KCNIP1: variants seen among roughly 807,000 people sequenced by gnomAD.
KCNIP1 encodes potassium voltage-gated channel interacting protein 1, also known as A-type potassium channel modulatory protein KCNIP1.
A neutral mutation model predicts 33.0 loss-of-function variants in KCNIP1; 18 were observed. That is an observed-to-expected ratio of 0.55 (90% CI 0.38 to 0.81). The LOEUF is 0.81. Among genes scored for constraint, KCNIP1 ranks in the 30% least tolerant of loss-of-function variants. KCNIP1 has a pLI of 0.00. For missense variants in KCNIP1, 238 were observed against 271.6 expected, an observed-to-expected ratio of 0.88 and a Z score of 0.87; for synonymous variants, 93 against 98.3, an observed-to-expected ratio of 0.95 and a Z score of 0.32.
At chr5:170,491,253 T>A (rs1757200232) in intron 1 of KCNIP1, among the ~76,000 whole-genome samples, 1 of 152,126 alleles carries the variant, frequency 6.6e-6, no homozygotes, top group African/African-American at 2.4e-5. Context: ...CAATGGTAGA[T>A]GAATGAATGA....
At position 170,504,176 on chromosome 5, in the gene KCNIP1, G is replaced by A. The variant is rs1186212516; in HGVS notation, c.-397G>A. The A allele has an allele frequency of 9.9e-7, 1 of 1,012,700 alleles. No individual in the cohort carries two copies. The highest frequency in any genetic ancestry group is 9.3e-5 in the East Asian group (1 of 10,808). 62.7% of individuals were successfully genotyped at this position (1,012,700 alleles called of 1,614,324 possible). On this transcript the variant is annotated 5_prime_UTR_variant, in exon 1 of 8. Coordinates refer to ENST00000328939, the MANE Select transcript of KCNIP1 (RefSeq NM_014592.4). This position sits in a 1 kb window ranked among gnomAD's most constrained non-coding sequence, Gnocchi z 6.0. ...GAGGGGAGCCGAGTGTGCGGCAGGA[G>A]GGGCGGGCGGACGGCGGCTCCCGCA...
chr5:170,651,486 C>T (rs1371811351), intron 1 of KCNIP1, among the ~76,000 whole-genome samples: 2 of 152,134 alleles, frequency 1.3e-5, no homozygotes, highest in Non-Finnish European at 2.9e-5. Context: ...CCAAGACTGT[C>T]TCCACAGTGA....
intron 1 of KCNIP1, among the ~76,000 whole-genome samples, chr5:170,694,706 T>G (rs1762833858): frequency 6.6e-6 from 1 of 152,250 alleles, no homozygotes; most frequent in Non-Finnish European, 1.5e-5. Context: ...ATTGCTCTTT[T>G]CTTTCCTCTC....
intron 1 of KCNIP1, among the ~76,000 whole-genome samples, chr5:170,527,329 G>A (rs915955249): frequency 6.6e-6 from 1 of 152,168 alleles, no homozygotes; most frequent in African/African-American, 2.4e-5. Context: ...GCAAATAAAT[G>A]TTTGCAGAGC....
intron 1 of KCNIP1, among the ~76,000 whole-genome samples, chr5:170,602,930 G>T (rs571904542): frequency 6.6e-6 from 1 of 152,196 alleles, no homozygotes; most frequent in African/African-American, 2.4e-5. Flanking sequence ...CACACAGTTA[G>T]TGAGCACACT....
At chr5:170,722,887 C>T in intron 5 of KCNIP1, 67 bp downstream of exon 5, 3 of 978,056 alleles carry the variant, frequency 3.1e-6, no homozygotes, top group Non-Finnish European at 4.9e-6. Flanking sequence ...CAGAAAACAG[C>T]CCCAGGCATG....
chr5:170,583,245 A>G (rs775713397), intron 1 of KCNIP1, among the ~76,000 whole-genome samples: 4 of 152,144 alleles, frequency 2.6e-5, no homozygotes, highest in Non-Finnish European at 5.9e-5. Context: ...CACCCTTCTC[A>G]TGACCACTAG....
Position 170,632,372 on chromosome 5 carries a change from C to T in KCNIP1, c.62-86386C>T, listed in dbSNP as rs548361363. On this transcript the variant is annotated intron_variant, in intron 1 of 7. Coordinates refer to ENST00000328939, the MANE Select transcript of KCNIP1 (RefSeq NM_014592.4). The stretch of plus-strand genomic sequence containing the variant: ...GTATCTTTTTCCCCCAGAAGATTCT[C>T]CTCCAGCCTTCACCACTGCCCCCTG... 1.8e-4 allele frequency among the ~76,000 whole-genome samples: 27 copies of T among 152,344 alleles called. No individual in the cohort carries two copies. The South Asian group carries it at 5.6e-3, about 32-fold the overall frequency.
chr5:170,411,474 A>C (rs1424568038), intron 1 of KCNIP1, among the ~76,000 whole-genome samples: 1 of 152,204 alleles, frequency 6.6e-6, no homozygotes, highest in African/African-American at 2.4e-5. Flanking sequence ...GTGTGTGTAC[A>C]TGTGTGCACA....
intron 1 of KCNIP1, among the ~76,000 whole-genome samples, chr5:170,614,052 C>T (rs1759278508): frequency 6.6e-6 from 1 of 152,188 alleles, no homozygotes; most frequent in African/African-American, 2.4e-5. Context: ...TCCCTGGAAA[C>T]ACAATTGTTG....
intron 1 of KCNIP1, among the ~76,000 whole-genome samples, chr5:170,506,474 G>T (rs937429982): frequency 4.6e-5 from 7 of 152,134 alleles, no homozygotes; most frequent in Non-Finnish European, 1.0e-4. Context: ...CCGTGCATAG[G>T]GCTGGGAAAA....
At chr5:170,463,916 T>A (rs1756556965) in intron 1 of KCNIP1, among the ~76,000 whole-genome samples, 1 of 152,180 alleles carries the variant, frequency 6.6e-6, no homozygotes, top group Non-Finnish European at 1.5e-5. Flanking sequence ...GAGACAATCC[T>A]AAATAATCCA....
chr5:170,362,397 G>A (rs1008633441), intron 1 of KCNIP1, among the ~76,000 whole-genome samples: 1 of 152,150 alleles, frequency 6.6e-6, no homozygotes, highest in African/African-American at 2.4e-5. Context: ...TGGCCAAGAG[G>A]CAACACACAC....
At chr5:170,645,908 A>G (rs1330843073) in intron 1 of KCNIP1, among the ~76,000 whole-genome samples, 1 of 151,660 alleles carries the variant, frequency 6.6e-6, no homozygotes, top group Non-Finnish European at 1.5e-5. Flanking sequence ...AAAAAAAAAT[A>G]CTCTGAATCA....
intron 1 of KCNIP1, among the ~76,000 whole-genome samples, chr5:170,518,366 C>T (rs1755230306): frequency 6.6e-6 from 1 of 152,180 alleles, no homozygotes; most frequent in Non-Finnish European, 1.5e-5. Flanking sequence ...TAAGACAAAT[C>T]AGCCCATGCC....
chr5:170,683,889 AGTGTAT>A (rs1190228232), intron 1 of KCNIP1, among the ~76,000 whole-genome samples: 6,844 of 124,606 alleles, frequency 0.055, 445 homozygotes, highest in African/African-American at 0.15. Context: ...ATGCCCAGCT[AGTGTAT>A]GTGTGTGTGT....
intron 1 of KCNIP1, among the ~76,000 whole-genome samples, chr5:170,654,520 T>C (rs1761185748): frequency 6.6e-6 from 1 of 152,342 alleles, no homozygotes; most frequent in East Asian, 1.9e-4. Context: ...TGCATATATA[T>C]AATCATTTAC....
intron 1 of KCNIP1, among the ~76,000 whole-genome samples, chr5:170,627,237 G>A (rs946592999): frequency 2.0e-5 from 3 of 152,166 alleles, no homozygotes; most frequent in Non-Finnish European, 4.4e-5. Flanking sequence ...AATAGAACCT[G>A]GGGCAAAGCT....
chr5:170,635,823 G>A (rs532363828), intron 1 of KCNIP1, among the ~76,000 whole-genome samples: 14 of 152,376 alleles, frequency 9.2e-5, no homozygotes, highest in African/African-American at 2.9e-4. Context: ...GCTGGGCCAC[G>A]CTGATGGGCT....
Sources: allele counts gnomAD v4.1 joint callset (sites outside exome capture counted in the v4.1 genomes callset), GRCh38; gene constraint gnomAD v4.1.1; non-coding constraint Gnocchi (gnomAD v3.1); transcripts MANE v1.5; gene names NCBI Gene and HGNC (gene_info 2026-07-23, HGNC 2026-07-21).